SEC16B: variants seen among roughly 807,000 people sequenced by gnomAD.
SEC16B encodes protein transport protein Sec16B.
Under a neutral mutation model 141.8 loss-of-function variants are expected in SEC16B, and 115 were observed. The ratio of observed to expected loss-of-function variants is 0.81; its 90% CI spans 0.70 to 0.95. SEC16B has a LOEUF of 0.95. SEC16B is among the 40% of genes least tolerant of loss of function. The pLI is 0.00. For missense variants in SEC16B, 1,291 were observed against 1,312.3 expected (o/e 0.98, Z 0.25); for synonymous variants, 493 against 492.5 (o/e 1.00, Z -0.01).
chr1:177,931,405 T>TAG lies in SEC16B; in HGVS notation c.3013-764_3013-763dup, dbSNP rs567695811. Among the ~76,000 whole-genome samples the TAG allele has an allele frequency of 2.2e-4, 34 of 152,230 alleles. 2 individuals are homozygous for TAG. The East Asian group carries it at 6.6e-3, about 29-fold the overall frequency. The stretch of plus-strand genomic sequence containing the variant: ...ACACACAGAGTGACATAATGGACTT[T>TAG]AGAGATTCAGAAGAGGAAGGGTGGG... On this transcript the variant is annotated intron_variant, in intron 24 of 25. Transcript: ENST00000308284.
intron 14 of SEC16B, chr1:177,945,616 T>G (rs1651635436): frequency 6.6e-6 from 1 of 152,310 alleles, no homozygotes; most frequent in South Asian, 2.1e-4. Flanking sequence ...ACACCCTCAC[T>G]GTACCATCTG....
chr1:177,942,176 A>G, intron 15 of SEC16B, 136 bp from the exon 16 acceptor site: 1 of 930,760 alleles, frequency 1.1e-6, no homozygotes, highest in Non-Finnish European at 1.6e-6. Context: ...GGCTTGTGCC[A>G]TTTGGAGCAT....
intron 1 of SEC16B, among the ~76,000 whole-genome samples, chr1:177,981,233 C>T (rs996980755): frequency 3.3e-5 from 5 of 152,044 alleles, no homozygotes; most frequent in African/African-American, 1.2e-4. Context: ...TATGAACTTC[C>T]CTGCCCCCTC....
upstream of SEC16B, among the ~76,000 whole-genome samples, chr1:177,970,591 T>C (rs1027643578): frequency 2.0e-5 from 3 of 152,186 alleles, no homozygotes; most frequent in African/African-American, 7.2e-5. Context: ...TTTTCTTATG[T>C]ATATTTCTCA....
In SEC16B at chr1:177,965,930, G is replaced by T; in HGVS notation, c.375C>A (p.Tyr125Ter). ...MREEYAYGSYYYHGHPQWLQE... is the reference protein window; with the variant it reads ...MREEYAYGSY The stretch of plus-strand genomic sequence containing the variant: ...GCAGCCACTGTGGGTGTCCATGATA[G>T]TAATAACTTCCATAAGCATATTCCT... Residue 125 changes from tyrosine to a stop codon, truncating the protein, a stop_gained, in exon 3 of 26, where the codon TAC becomes TAA. Coordinates refer to ENST00000308284, the MANE Select transcript of SEC16B (RefSeq NM_033127.4). LOFTEE classifies it high-confidence loss of function. 6.3e-7 allele frequency: 1 copy of T among 1,598,422 alleles called. No homozygotes were observed. Among genetic ancestry groups the T allele is most frequent in the Non-Finnish European group, 8.5e-7 (1 of 1,171,558 alleles).
At chr1:177,968,858 T>A (rs1314114335) in intron 1 of SEC16B, among the ~76,000 whole-genome samples, 1 of 152,168 alleles carries the variant, frequency 6.6e-6, no homozygotes, top group African/African-American at 2.4e-5. Context: ...TATCTCAGGA[T>A]TCTTCCCGGT....
chr1:177,969,707 A>AT (rs1244544119), intron 1 of SEC16B, among the ~76,000 whole-genome samples, 177 bp downstream of exon 1: 2 of 152,212 alleles, frequency 1.3e-5, no homozygotes, highest in Non-Finnish European at 2.9e-5. Context: ...CACCAAATAA[A>AT]TAACACCTTC....
intron 9 of SEC16B, chr1:177,958,565 A>C: frequency 3.3e-6 from 2 of 611,752 alleles, no homozygotes; most frequent in Non-Finnish European, 5.6e-6. Flanking sequence ...AGGAGCCATA[A>C]AGCTTACCAG....
At chr1:177,940,498 G>T in intron 17 of SEC16B, 112 bp downstream of exon 17, 1 of 706,712 alleles carries the variant, frequency 1.4e-6, no homozygotes, top group Non-Finnish European at 2.4e-6. Context: ...CCAGGGTGAG[G>T]CATGGGGACC....
intron 9 of SEC16B, 76 bp from the exon 10 acceptor site, chr1:177,958,438 C>T: frequency 8.1e-7 from 1 of 1,234,372 alleles, no homozygotes. Context: ...AGAAGGAAGG[C>T]ACCAGGGAGC....
At chr1:177,948,200 A>C (rs1008042462) in intron 12 of SEC16B, among the ~76,000 whole-genome samples, 13 of 152,204 alleles carry the variant, frequency 8.5e-5, no homozygotes, top group Admixed American at 3.9e-4. Context: ...GATAAATAAA[A>C]TGACATTGCT....
Position 177,933,538 on chromosome 1 carries a change from A to G in SEC16B, c.2670T>C (p.Ser890=), listed in dbSNP as rs781377407. Residue 890 remains serine, a synonymous_variant, in exon 21 of 26, where the codon TCT becomes TCC. Transcript: ENST00000308284. The stretch of plus-strand genomic sequence containing the variant: ...TGCCTCTCTGGGCAGTATTTCGGGG[A>G]GAGTTTTTATCAGCCTCATCAGAGG... ...KESSDEADKN[S]PRNTAQRGKL... is the part of the protein sequence containing the mutation. The G allele has an allele frequency of 6.2e-7, 1 of 1,613,876 alleles. No homozygotes were observed.
At chr1:177,948,071 C>CCATT (rs1269190407) in intron 12 of SEC16B, 129 bp from the exon 13 acceptor site, 1 of 774,210 alleles carries the variant, frequency 1.3e-6, no homozygotes, top group Non-Finnish European at 2.2e-6. Context: ...TGCAATGCTG[C>CCATT]CATTCATTGA....
At chr1:177,965,398 T>C (rs1653436466) in intron 3 of SEC16B, among the ~76,000 whole-genome samples, 1 of 135,204 alleles carries the variant, frequency 7.4e-6, no homozygotes. Context: ...ACGATGGGGA[T>C]TGGTGTGTGT....
upstream of SEC16B, among the ~76,000 whole-genome samples, chr1:177,974,891 A>G (rs2102021351): frequency 6.6e-6 from 1 of 152,334 alleles, no homozygotes; most frequent in East Asian, 1.9e-4. Flanking sequence ...ATCACATGGG[A>G]TCCAGAGCAC....
chr1:177,944,505 C>T, intron 15 of SEC16B, 56 bp downstream of exon 15: 8 of 1,399,866 alleles, frequency 5.7e-6, no homozygotes, highest in Admixed American at 1.9e-5. Context: ...GCTGCAAATA[C>T]AGCTGCCTGC....
rs779096821 is a variant in SEC16B, at chr1:177,936,349, A to C, written c.2520T>G (p.Ser840=). 4 of 1,610,216 alleles carry C rather than the reference A, an allele frequency of 2.5e-6. No individual in the cohort carries two copies. Among genetic ancestry groups the C allele is most frequent in the Middle Eastern group, 1.7e-4 (1 of 6,058 alleles). ...CATCAGGAGGCTGGGAAGTTTCTTG[A>C]GACACTGTGTTCTCTCCTGCATCAC... ...THLGPGENTV[S]QETSQPPDGQ... Residue 840 remains serine (S), a synonymous_variant, in exon 20 of 26, where the codon TCT becomes TCG. Transcript: ENST00000308284.
intron 18 of SEC16B, among the ~76,000 whole-genome samples, chr1:177,939,186 A>G (rs10798582): frequency 0.12 from 19,018 of 152,286 alleles, 1,424 homozygotes; most frequent in East Asian, 0.35. Flanking sequence ...GAAAGGGTAC[A>G]CAGTTAACCA....
chr1:177,961,793 C>T (rs1270193591), intron 5 of SEC16B, 59 bp from the exon 6 acceptor site: 7 of 1,529,332 alleles, frequency 4.6e-6, no homozygotes, highest in South Asian at 3.5e-5. Context: ...TCTTCTCAAG[C>T]GTTCCTTCAA....
Sources: allele counts gnomAD v4.1 joint callset (sites outside exome capture counted in the v4.1 genomes callset), GRCh38; gene constraint gnomAD v4.1.1; transcripts MANE v1.5; gene names NCBI Gene and HGNC (gene_info 2026-07-23, HGNC 2026-07-21).